PLXNA1: variants seen among roughly 807,000 people sequenced by gnomAD.
The protein encoded by PLXNA1 is plexin-A1.
PLXNA1 carries 77 observed loss-of-function variants against 191.7 expected under a neutral mutation model. The ratio of observed to expected loss-of-function variants is 0.40; its 90% CI spans 0.33 to 0.49. The LOEUF (loss-of-function observed/expected upper bound fraction) is 0.49, where lower values mean the gene tolerates loss of function less well. Ranked by LOEUF, PLXNA1 falls within the 20% of genes least tolerant of loss-of-function variation. The pLI is 0.63. For missense variants in PLXNA1, 2,110 were observed against 2,660.2 expected (o/e 0.79, Z 4.55); for synonymous variants, 1,137 against 1,156.4 (o/e 0.98, Z 0.34).
chr3:127,029,837 G>A lies in PLXNA1; in HGVS notation c.4871-37G>A, dbSNP rs985467738. On this transcript the variant is annotated intron_variant, in intron 27 of 31. Transcript: ENST00000393409. Reference sequence around the variant, plus strand: ...CAGGCTCGGGCGGGGGGTGCGGGGTGCCAGCCAACGCGGGCGCTGACAGCC... The same window carrying A: ...CAGGCTCGGGCGGGGGGTGCGGGGTACCAGCCAACGCGGGCGCTGACAGCC... 3.9e-6 allele frequency: 6 copies of A among 1,546,578 alleles called. No homozygotes were observed. In the Admixed American group the frequency reaches 5.6e-5, roughly 14 times the overall value.
intron 3 of PLXNA1, among the ~76,000 whole-genome samples, chr3:126,996,515 G>T (rs1241948054): frequency 6.6e-6 from 1 of 152,208 alleles, no homozygotes; most frequent in Non-Finnish European, 1.5e-5. Context: ...AGCCTCTTCA[G>T]GTCTGTAGTG....
rs1432123115 is a variant in PLXNA1, at chr3:127,029,495, T to C, written c.4829T>C (p.Ile1610Thr). The C allele has an allele frequency of 6.2e-7, 1 of 1,613,802 alleles. No homozygotes were observed. Among genetic ancestry groups the C allele is most frequent in the South Asian group, 1.1e-5 (1 of 91,076 alleles). ...CCCAAGCAGACGTCCGCCTACAACATCTCCAACTCCTCCACCTTCACCAAG... is the reference window on the plus strand; with the variant it reads ...CCCAAGCAGACGTCCGCCTACAACACCTCCAACTCCTCCACCTTCACCAAG... ...LVPKQTSAYN[I>T]SNSSTFTKSL... Residue 1610 changes from isoleucine (I) to threonine (T), a missense_variant, in exon 27 of 32, where the codon ATC (isoleucine) becomes ACC (threonine). By Grantham distance (89) the Ile-to-Thr change is moderately conservative. This residue lies in a region of PLXNA1 where 559 missense variants were observed against 911.5 expected (regional missense o/e 0.61). Transcript: ENST00000393409.
At chr3:126,996,943 G>C (rs2079017433) in intron 3 of PLXNA1, among the ~76,000 whole-genome samples, 1 of 152,180 alleles carries the variant, frequency 6.6e-6, no homozygotes, top group Admixed American at 6.5e-5. Flanking sequence ...GTGCATTGGG[G>C]GTGTGTCACG....
In PLXNA1 at chr3:126,983,259, C is replaced by T. The variant is rs2078939620; in HGVS notation, c.-102C>T. Among the ~76,000 whole-genome samples, 2 of 142,738 alleles carry T rather than the reference C, an allele frequency of 1.4e-5. No individual in the cohort carries two copies. The highest frequency in any genetic ancestry group is 6.9e-5 in the Admixed American group (1 of 14,532). 93.6% of individuals were successfully genotyped at this position (142,738 alleles called of 152,430 possible). ...GCGGGCGGCTGGGCGCGGCGATGGC[C>T]GGCGGCGGGGCGCGCCCCGGGGCGG... On this transcript the variant is annotated 5_prime_UTR_variant, in exon 1 of 32. Coordinates refer to ENST00000393409, the MANE Select transcript of PLXNA1 (RefSeq NM_032242.4).
At chr3:126,996,026 C>T (rs2079013421) in intron 3 of PLXNA1, among the ~76,000 whole-genome samples, 1 of 152,200 alleles carries the variant, frequency 6.6e-6, no homozygotes, top group African/African-American at 2.4e-5. Flanking sequence ...CCTCAGGACT[C>T]ATGCTGCAGC....
At chr3:127,003,632 C>G (rs968913995) in intron 4 of PLXNA1, among the ~76,000 whole-genome samples, 162 bp downstream of exon 4, 7 of 152,198 alleles carry the variant, frequency 4.6e-5, no homozygotes, top group Non-Finnish European at 8.8e-5. Flanking sequence ...TCCCTGCAGA[C>G]TTGTGGGCTC....
intron 9 of PLXNA1, among the ~76,000 whole-genome samples, chr3:127,010,819 C>G (rs894968376): frequency 1.3e-5 from 2 of 152,256 alleles, no homozygotes; most frequent in Non-Finnish European, 2.9e-5. Context: ...ACCATAGTCA[C>G]CTTCTGGCTT....
At chr3:127,030,147 A>G (rs2079201090) in intron 28 of PLXNA1, 83 bp downstream of exon 28, 1 of 1,587,686 alleles carries the variant, frequency 6.3e-7, no homozygotes. Flanking sequence ...CAAGGGCCTC[A>G]CCCCCATGCT....
At chr3:127,017,347 AG>A in intron 17 of PLXNA1, 77 bp from the exon 18 acceptor site, 1 of 1,536,036 alleles carries the variant, frequency 6.5e-7, no homozygotes, top group South Asian at 1.3e-5. Context: ...GGCAGCCCCC[AG>A]GCCAGGGGCT....
Position 127,032,543 on chromosome 3 carries a change from C to T in PLXNA1, c.5388C>T (p.Pro1796=). 2 of 1,614,096 alleles carry T rather than the reference C, an allele frequency of 1.2e-6. No individual in the cohort carries two copies. Among genetic ancestry groups the T allele is most frequent in the Non-Finnish European group, 1.7e-6 (2 of 1,180,024 alleles). The change falls in exon 30 of 32, where the codon CCC becomes CCT. Residue 1796 remains proline (P), a synonymous_variant. Coordinates refer to ENST00000393409, the MANE Select transcript of PLXNA1 (RefSeq NM_032242.4). ...TSEHKLGKDS[P]SNKLLYAKDI... is the part of the protein sequence containing the mutation. The stretch of plus-strand genomic sequence containing the variant: ...AGCACAAGCTGGGCAAGGACTCACC[C>T]TCCAACAAGCTGCTCTACGCCAAGG...
intron 1 of PLXNA1, among the ~76,000 whole-genome samples, chr3:126,984,753 C>A (rs1007175597): frequency 1.3e-5 from 2 of 152,200 alleles, no homozygotes; most frequent in African/African-American, 4.8e-5. Context: ...AGCAGACAGC[C>A]CTTTGCTGGA....
At chr3:126,997,571 G>A (rs1198363156) in intron 3 of PLXNA1, among the ~76,000 whole-genome samples, 3 of 152,224 alleles carry the variant, frequency 2.0e-5, no homozygotes, top group Non-Finnish European at 4.4e-5. Flanking sequence ...TCCCCTTCAC[G>A]GGGCCCTGCA....
At chr3:127,003,501 T>C in intron 4 of PLXNA1, 31 bp downstream of exon 4, 1 of 1,563,430 alleles carries the variant, frequency 6.4e-7, no homozygotes, top group Non-Finnish European at 8.7e-7. Flanking sequence ...ACGGTGTGGC[T>C]GAAGGTGGGG....
intron 28 of PLXNA1, 51 bp from the exon 29 acceptor site, chr3:127,030,192 A>G: frequency 6.3e-7 from 1 of 1,598,832 alleles, no homozygotes; most frequent in South Asian, 1.1e-5. Flanking sequence ...CAGGAGGTGT[A>G]GGCAGCCAGG....
At chr3:127,019,948 C>T (rs1176930507) in intron 20 of PLXNA1, among the ~76,000 whole-genome samples, 1 of 152,214 alleles carries the variant, frequency 6.6e-6, no homozygotes, top group Non-Finnish European at 1.5e-5. Context: ...AGGCCCTGCC[C>T]AGCCTGCCCC....
At chr3:126,995,474 T>C (rs979421347) in intron 3 of PLXNA1, among the ~76,000 whole-genome samples, 1 of 152,236 alleles carries the variant, frequency 6.6e-6, no homozygotes, top group African/African-American at 2.4e-5. Flanking sequence ...GGGAGAGCCT[T>C]GCCCTGTGGG....
At chr3:127,020,671 AC>A (rs1323784168) in intron 21 of PLXNA1, among the ~76,000 whole-genome samples, 1 of 152,142 alleles carries the variant, frequency 6.6e-6, no homozygotes, top group Non-Finnish European at 1.5e-5. Flanking sequence ...ATCCCAGCAA[AC>A]CACTTGTCAG....
chr3:127,012,195 C>T (rs772115532), intron 10 of PLXNA1, 37 bp downstream of exon 10: 14 of 1,589,884 alleles, frequency 8.8e-6, no homozygotes, highest in Middle Eastern at 2.2e-4. Flanking sequence ...GGCCGTGAGC[C>T]GGAATGGGCC....
intron 3 of PLXNA1, among the ~76,000 whole-genome samples, chr3:126,997,380 C>T (rs894383838): frequency 3.5e-4 from 54 of 152,182 alleles, no homozygotes; most frequent in Middle Eastern, 3.2e-3. Context: ...TGGCAGTGCC[C>T]GGCAGCATGT....
Sources: gnomAD v4.1 joint callset for allele counts (sites outside exome capture counted in the v4.1 genomes callset) on GRCh38, gnomAD v4.1.1 for gene constraint, gnomAD v4.1.1 regional missense constraint, MANE v1.5 for transcripts, NCBI Gene and HGNC (gene_info 2026-07-23, HGNC 2026-07-21) for gene names.